CACHD1: variants seen among roughly 807,000 people sequenced by gnomAD.
CACHD1 encodes cache domain containing 1.
CACHD1 carries 71 observed loss-of-function variants against 138.7 expected under a neutral mutation model. The observed-to-expected ratio is 0.51, with a 90% CI of 0.42 to 0.62. The LOEUF is 0.62. Among genes scored for constraint, CACHD1 ranks in the 20% least tolerant of loss-of-function variants. CACHD1 has a pLI of 0.00. For missense variants in CACHD1, 1,389 were observed against 1,625.3 expected (o/e 0.85, Z 2.50); for synonymous variants, 578 against 591.5 (o/e 0.98, Z 0.33).
In CACHD1 at chr1:64,551,859, GTATT is replaced by G. The variant is rs370989152; in HGVS notation, c.261+1212_261+1215del. Among the ~76,000 whole-genome samples the G allele has an allele frequency of 5.8e-4, 89 of 152,266 alleles. 1 individual carries two copies. Among genetic ancestry groups the G allele is most frequent in the African/African-American group, 2.0e-3 (83 of 41,558 alleles). ...ATATTTTTAAAAGCTGATGGCCTGA[GTATT>G]TATTTATTGTAGTAAATAGGATGTA... On this transcript the variant is annotated intron_variant, in intron 2 of 26. Coordinates refer to ENST00000651257, the MANE Select transcript of CACHD1 (RefSeq NM_020925.4).
intron 3 of CACHD1, among the ~76,000 whole-genome samples, chr1:64,592,313 G>T (rs1016158274): frequency 3.3e-5 from 5 of 152,122 alleles, no homozygotes; most frequent in African/African-American, 1.2e-4. Flanking sequence ...GGCAGTTAAT[G>T]TATAAGACAT....
chr1:64,534,460 A>G (rs893296979), intron 1 of CACHD1, among the ~76,000 whole-genome samples: 2 of 152,214 alleles, frequency 1.3e-5, no homozygotes, highest in Non-Finnish European at 2.9e-5. Flanking sequence ...AGGTAAACAA[A>G]CAAAAAGCCT....
intron 24 of CACHD1, among the ~76,000 whole-genome samples, chr1:64,680,402 C>T (rs530033137): frequency 4.9e-4 from 74 of 152,028 alleles, no homozygotes; most frequent in African/African-American, 1.7e-3. Flanking sequence ...GCAGGAGAAT[C>T]GCTTGAACCC....
intron 3 of CACHD1, among the ~76,000 whole-genome samples, chr1:64,596,880 C>G (rs1364630818): frequency 6.6e-6 from 1 of 152,090 alleles, no homozygotes. Context: ...AAAAATTCAT[C>G]CATGAACAAT....
intron 1 of CACHD1, among the ~76,000 whole-genome samples, chr1:64,503,816 T>C (rs1228422519): frequency 6.6e-6 from 1 of 152,148 alleles, no homozygotes; most frequent in African/African-American, 2.4e-5. Context: ...GGGGAGATCA[T>C]TGTTTTGGGC....
intron 2 of CACHD1, among the ~76,000 whole-genome samples, chr1:64,578,385 T>G (rs1646986021): frequency 6.6e-6 from 1 of 152,232 alleles, no homozygotes; most frequent in Admixed American, 6.5e-5. Context: ...ATAATTTTGA[T>G]GATTTAGATG....
rs536216070 is a variant in CACHD1, at chr1:64,680,276, G to A, written c.3406+520G>A. 1.1e-3 allele frequency among the ~76,000 whole-genome samples: 170 copies of A among 152,194 alleles called. 1 individual carries two copies. Among genetic ancestry groups the A allele is most frequent in the African/African-American group, 4.0e-3 (165 of 41,532 alleles). On this transcript the variant is annotated intron_variant, in intron 24 of 26. Transcript: ENST00000651257. ...GGCCGAGGTGGGTGGATCATTTGAGGTCAGGAGTTCAAGACCAGCCTGGCC... is the reference window on the plus strand; with the variant it reads ...GGCCGAGGTGGGTGGATCATTTGAGATCAGGAGTTCAAGACCAGCCTGGCC...
At chr1:64,584,904 G>C (rs1393944221) in intron 3 of CACHD1, among the ~76,000 whole-genome samples, 1 of 152,066 alleles carries the variant, frequency 6.6e-6, no homozygotes, top group Non-Finnish European at 1.5e-5. Context: ...GAGGTATTGT[G>C]GTTCCTCAAA....
intron 10 of CACHD1, among the ~76,000 whole-genome samples, chr1:64,652,892 G>A (rs953305487): frequency 6.6e-6 from 1 of 152,046 alleles, no homozygotes; most frequent in Non-Finnish European, 1.5e-5. Flanking sequence ...CCCATTACTG[G>A]GTGTATATAT....
chr1:64,494,115 TTC>T (rs1167157564), intron 1 of CACHD1, among the ~76,000 whole-genome samples: 1 of 152,162 alleles, frequency 6.6e-6, no homozygotes, highest in Non-Finnish European at 1.5e-5. Context: ...TCTTAACATT[TTC>T]TCTTCTTACC....
intron 1 of CACHD1, among the ~76,000 whole-genome samples, chr1:64,543,488 A>T (rs896530072): frequency 6.6e-6 from 1 of 150,404 alleles, no homozygotes; most frequent in African/African-American, 2.5e-5. Context: ...AGGCGAGAGG[A>T]TCACTTGAGC....
chr1:64,627,199 G>A (rs1027039729), intron 4 of CACHD1, among the ~76,000 whole-genome samples: 13 of 152,064 alleles, frequency 8.5e-5, no homozygotes, highest in Admixed American at 3.3e-4. Flanking sequence ...TTGAGGCCAC[G>A]AATTTGAGGC....
At chr1:64,588,327 G>C (rs1647067750) in intron 3 of CACHD1, among the ~76,000 whole-genome samples, 1 of 152,030 alleles carries the variant, frequency 6.6e-6, no homozygotes, top group African/African-American at 2.4e-5. Flanking sequence ...AACCCAGCTT[G>C]CCACAGAGAT....
intron 23 of CACHD1, 92 bp from the exon 24 acceptor site, chr1:64,679,503 T>C: frequency 7.1e-7 from 1 of 1,412,018 alleles, no homozygotes; most frequent in Non-Finnish European, 9.8e-7. Context: ...CCAACCCCCT[T>C]CCCACTGTAT....
intron 7 of CACHD1, among the ~76,000 whole-genome samples, chr1:64,640,729 ACACT>A (rs1648682132): frequency 1.4e-5 from 2 of 141,510 alleles, no homozygotes; most frequent in African/African-American, 5.4e-5. Flanking sequence ...ACACACACAC[ACACT>A]CTCAACATTA....
chr1:64,663,603 C>G, intron 13 of CACHD1, 92 bp from the exon 14 acceptor site: 1 of 1,450,322 alleles, frequency 6.9e-7, no homozygotes, highest in Non-Finnish European at 9.4e-7. Context: ...GCCACCATAG[C>G]TGACAGATTG....
chr1:64,630,237 T>A (rs913070009), intron 5 of CACHD1, among the ~76,000 whole-genome samples: 1 of 152,154 alleles, frequency 6.6e-6, no homozygotes, highest in Non-Finnish European at 1.5e-5. Flanking sequence ...CCCTTCATCT[T>A]CACTTTAAAT....
At position 64,570,610 on chromosome 1, in the gene CACHD1, AG is replaced by A. The variant is rs201018080; in HGVS notation, c.262-11542del. 9.7e-3 allele frequency among the ~76,000 whole-genome samples: 1,475 copies of A among 152,274 alleles called. 31 individuals carry two copies. The highest frequency in any genetic ancestry group is 0.033 in the African/African-American group (1,387 of 41,556). On this transcript the variant is annotated intron_variant, in intron 2 of 26. Coordinates refer to ENST00000651257, the MANE Select transcript of CACHD1 (RefSeq NM_020925.4). Reference sequence around the variant, plus strand: ...TTTGCAGTTCGCCCTGTCATCAGATAGGGGATGAGAAGACCTTCCTAAATCC... The same window carrying A: ...TTTGCAGTTCGCCCTGTCATCAGATAGGGATGAGAAGACCTTCCTAAATCC...
At chr1:64,636,965 A>G (rs1648544393) in intron 7 of CACHD1, among the ~76,000 whole-genome samples, 1 of 152,184 alleles carries the variant, frequency 6.6e-6, no homozygotes, top group Non-Finnish European at 1.5e-5. Flanking sequence ...AATTTGGCCT[A>G]CCAGCTTTGG....
Sources: allele counts gnomAD v4.1 joint callset (sites outside exome capture counted in the v4.1 genomes callset), GRCh38; gene constraint gnomAD v4.1.1; transcripts MANE v1.5; gene names NCBI Gene and HGNC (gene_info 2026-07-23, HGNC 2026-07-21).